Variants in DIP2C observed in about 807,000 individuals in gnomAD.
DIP2C encodes the protein DIP2 acetate--CoA ligase C (putative), also known as disco-interacting protein 2 homolog C.
In DIP2C, 33 loss-of-function variants were observed where a neutral mutation model predicts 192.4. That is an observed-to-expected ratio of 0.17 (90% CI 0.13 to 0.23). The LOEUF (loss-of-function observed/expected upper bound fraction) is 0.23, where lower values mean the gene tolerates loss of function less well. Ranked by LOEUF, DIP2C falls within the 10% of genes least tolerant of loss-of-function variation. DIP2C has a pLI of 1.00. For missense variants in DIP2C, 1,537 were observed against 2,110.1 expected, an observed-to-expected ratio of 0.73 and a Z score of 5.32; for synonymous variants, 979 against 864.1, an observed-to-expected ratio of 1.13 and a Z score of -2.33.
At chr10:455,210 T>C (rs1969190449) in intron 3 of DIP2C, among the ~76,000 whole-genome samples, 1 of 152,200 alleles carries the variant, frequency 6.6e-6, no homozygotes, top group South Asian at 2.1e-4. Flanking sequence ...GCTTAACCTA[T>C]TTGCACCCCC....
chr10:346,423 CGT>C (rs747623946), intron 26 of DIP2C, among the ~76,000 whole-genome samples: 22,889 of 27,768 alleles, frequency 0.82, 9,977 homozygotes, highest in East Asian at 0.89. Context: ...AGACATATCG[CGT>C]ATAGTTCTCC....
In DIP2C at chr10:533,386, G is replaced by A. The variant is rs114069210; in HGVS notation, c.86-46856C>T. Among the ~76,000 whole-genome samples the A allele has an allele frequency of 1.2e-3, 180 of 152,218 alleles. 4 individuals are homozygous for A. The South Asian group carries it at 0.012, about 10-fold the overall frequency. ...AGGGGGACACAGCTTTCTCAAGGCC[G>A]CACAGCCCGGGCACCATAACAGCCT... On this transcript the variant is annotated intron_variant, in intron 1 of 36. Coordinates refer to ENST00000280886, the MANE Select transcript of DIP2C (RefSeq NM_014974.3).
chr10:471,074 C>G (rs562717443), intron 3 of DIP2C, among the ~76,000 whole-genome samples: 1 of 152,072 alleles, frequency 6.6e-6, no homozygotes, highest in Admixed American at 6.6e-5. Context: ...CAATATGTGT[C>G]GGGGCTTAAG....
chr10:433,412 C>A (rs999894145), intron 4 of DIP2C, among the ~76,000 whole-genome samples: 2 of 152,324 alleles, frequency 1.3e-5, no homozygotes, highest in South Asian at 2.1e-4. Flanking sequence ...GGCAGTGGCT[C>A]ATGCCTGTAA....
intron 2 of DIP2C, among the ~76,000 whole-genome samples, chr10:481,805 A>T (rs1161139384): frequency 6.6e-6 from 1 of 152,168 alleles, no homozygotes; most frequent in Non-Finnish European, 1.5e-5. Flanking sequence ...ACGGTCACTC[A>T]GTGGGGCGGG....
At chr10:591,287 G>A (rs1851389199) in intron 1 of DIP2C, among the ~76,000 whole-genome samples, 1 of 152,042 alleles carries the variant, frequency 6.6e-6, no homozygotes, top group Non-Finnish European at 1.5e-5. Flanking sequence ...ACCACGCCTG[G>A]CTAATATTCA....
At chr10:386,338 G>A (rs952784873) in intron 14 of DIP2C, among the ~76,000 whole-genome samples, 7 of 152,186 alleles carry the variant, frequency 4.6e-5, no homozygotes, top group African/African-American at 1.4e-4. Flanking sequence ...ATTTGAGAAG[G>A]GACTTGGACG....
intron 1 of DIP2C, chr10:650,901 G>A (rs917184995): frequency 2.8e-6 from 2 of 717,394 alleles, no homozygotes; most frequent in African/African-American, 1.7e-5. Context: ...GGCCTCACGG[G>A]GGAAGCTGAG....
chr10:353,218 C>G (rs1327787787), intron 24 of DIP2C, among the ~76,000 whole-genome samples: 1 of 152,136 alleles, frequency 6.6e-6, no homozygotes, highest in Non-Finnish European at 1.5e-5. Context: ...GACACACATT[C>G]ACTGTCAGTT....
intron 1 of DIP2C, among the ~76,000 whole-genome samples, chr10:674,829 GAC>G (rs1830818110): frequency 7.0e-6 from 1 of 142,876 alleles, no homozygotes; most frequent in African/African-American, 2.6e-5. Context: ...GAGAGAGAGA[GAC>G]CAACACAACA....
intron 1 of DIP2C, among the ~76,000 whole-genome samples, chr10:498,298 G>T (rs1429847100): frequency 6.6e-6 from 1 of 152,364 alleles, no homozygotes; most frequent in East Asian, 1.9e-4. Context: ...GGAAGCAGAT[G>T]ACAGGGACAC....
intron 2 of DIP2C, among the ~76,000 whole-genome samples, chr10:477,700 G>A (rs1418855227): frequency 6.9e-6 from 1 of 143,992 alleles, no homozygotes; most frequent in African/African-American, 2.6e-5. Context: ...CGGAGAAAAG[G>A]AAAGAATAAA....
chr10:606,032 G>A (rs529738624), intron 1 of DIP2C, among the ~76,000 whole-genome samples: 6 of 152,224 alleles, frequency 3.9e-5, no homozygotes, highest in Non-Finnish European at 7.3e-5. Flanking sequence ...CCACGCCGGG[G>A]TCCGACTGTG....
intron 31 of DIP2C, among the ~76,000 whole-genome samples, chr10:310,322 C>CAA (rs1370290621): frequency 1.7e-4 from 26 of 152,212 alleles, no homozygotes; most frequent in Non-Finnish European, 3.7e-4. Flanking sequence ...GCTTGACCGC[C>CAA]AATATATAAA....
intron 1 of DIP2C, among the ~76,000 whole-genome samples, chr10:580,230 C>T (rs1178835922): frequency 6.6e-6 from 1 of 151,190 alleles, no homozygotes; most frequent in Non-Finnish European, 1.5e-5. Context: ...TATGTCAGTA[C>T]ACTAACATAT....
intron 1 of DIP2C, among the ~76,000 whole-genome samples, chr10:597,499 A>G (rs1279734322): frequency 6.6e-6 from 1 of 152,178 alleles, no homozygotes; most frequent in Admixed American, 6.5e-5. Context: ...GTGAATGGAG[A>G]CCAATGGACA....
chr10:460,905 A>G (rs577149233), intron 3 of DIP2C, among the ~76,000 whole-genome samples: 3 of 152,250 alleles, frequency 2.0e-5, no homozygotes, highest in Non-Finnish European at 4.4e-5. Flanking sequence ...AATATTCAAC[A>G]TTCTTAAAGA....
At position 397,678 on chromosome 10, in the gene DIP2C, C is replaced by T. The variant is rs534604279; in HGVS notation, c.1260+1431G>A. On this transcript the variant is annotated intron_variant, in intron 10 of 36. Coordinates refer to ENST00000280886, the MANE Select transcript of DIP2C (RefSeq NM_014974.3). Reference sequence around the variant, plus strand: ...CCGCCTACAGGGAGCAGCAGCGTGACCTGCACTGCAGCCGCCCCACTTCAT... The same window carrying T: ...CCGCCTACAGGGAGCAGCAGCGTGATCTGCACTGCAGCCGCCCCACTTCAT... Among the ~76,000 whole-genome samples the T allele has an allele frequency of 2.0e-5, 3 of 152,386 alleles. No homozygotes were observed. The South Asian group carries it at 6.2e-4, about 32-fold the overall frequency.
chr10:669,746 C>T (rs1263672535), intron 1 of DIP2C, among the ~76,000 whole-genome samples: 1 of 152,162 alleles, frequency 6.6e-6, no homozygotes, highest in Non-Finnish European at 1.5e-5. Flanking sequence ...AACAGCAGAA[C>T]AGATCAATCA....
Sources: gnomAD v4.1 joint callset for allele counts (sites outside exome capture counted in the v4.1 genomes callset) on GRCh38, gnomAD v4.1.1 for gene constraint, MANE v1.5 for transcripts, NCBI Gene and HGNC (gene_info 2026-07-23, HGNC 2026-07-21) for gene names.